GRIK3: variants seen among roughly 807,000 people sequenced by gnomAD.
GRIK3 encodes the protein glutamate receptor ionotropic, kainate 3.
A neutral mutation model predicts 102.5 loss-of-function variants in GRIK3; 29 were observed. That is an observed-to-expected ratio of 0.28 (90% CI 0.21 to 0.39). GRIK3 has a LOEUF of 0.39. GRIK3 is among the 10% of genes least tolerant of loss of function. The pLI, the probability that GRIK3 is intolerant of heterozygous loss-of-function variation, is 1.00. For missense variants in GRIK3, 908 were observed against 1,252.4 expected (o/e 0.73, Z 4.15); for synonymous variants, 511 against 504.9 (o/e 1.01, Z -0.16).
chr1:36,924,700 C>T (rs145449612), intron 1 of GRIK3, among the ~76,000 whole-genome samples: 4 of 152,182 alleles, frequency 2.6e-5, no homozygotes, highest in Non-Finnish European at 4.4e-5. Context: ...AGAGGCCGTG[C>T]TCAAGCTGTC....
chr1:36,813,405 C>T (rs925713092), intron 13 of GRIK3, among the ~76,000 whole-genome samples: 6 of 152,200 alleles, frequency 3.9e-5, no homozygotes, highest in Non-Finnish European at 8.8e-5. Context: ...CCTGGAGCTG[C>T]CTCCTGTTCA....
chr1:36,884,325 G>A (rs1209523837), intron 2 of GRIK3, among the ~76,000 whole-genome samples: 1 of 152,206 alleles, frequency 6.6e-6, no homozygotes. Flanking sequence ...GGGTTTGCTG[G>A]TGAATTGTCA....
chr1:36,842,074 G>A (rs533055281), intron 9 of GRIK3, 135 bp from the exon 10 acceptor site: 207 of 719,954 alleles, frequency 2.9e-4, no homozygotes, highest in Non-Finnish European at 3.6e-4. Flanking sequence ...CAAAGGGCCC[G>A]TGAAGTCAGG....
chr1:36,922,661 T>A (rs1641486930), intron 1 of GRIK3, among the ~76,000 whole-genome samples: 1 of 152,194 alleles, frequency 6.6e-6, no homozygotes, highest in African/African-American at 2.4e-5. Context: ...ATGTTGAGTA[T>A]CCACTCTATG....
At chr1:36,962,138 A>T (rs1642017308) in intron 1 of GRIK3, among the ~76,000 whole-genome samples, 2 of 152,188 alleles carry the variant, frequency 1.3e-5, no homozygotes, top group South Asian at 4.1e-4. Context: ...AGACAATTCC[A>T]GACATCACGA....
intron 1 of GRIK3, among the ~76,000 whole-genome samples, chr1:36,917,526 T>C (rs1327275013): frequency 1.3e-5 from 2 of 152,186 alleles, no homozygotes; most frequent in Non-Finnish European, 2.9e-5. Flanking sequence ...TGAGAGGTAA[T>C]TGAATCATGG....
chr1:36,948,748 G>A (rs568678100), intron 1 of GRIK3, among the ~76,000 whole-genome samples: 15 of 152,324 alleles, frequency 9.8e-5, no homozygotes, highest in Non-Finnish European at 1.8e-4. Context: ...CCAACAGCTT[G>A]TCAATGCCTG....
intron 10 of GRIK3, among the ~76,000 whole-genome samples, chr1:36,836,307 G>A (rs1640377697): frequency 6.6e-6 from 1 of 152,238 alleles, no homozygotes; most frequent in Admixed American, 6.5e-5. Flanking sequence ...ACCATGGCTG[G>A]GAAGCCAGCT....
chr1:36,904,940 A>C (rs1641269442), intron 1 of GRIK3, among the ~76,000 whole-genome samples: 1 of 152,228 alleles, frequency 6.6e-6, no homozygotes, highest in Admixed American at 6.5e-5. Flanking sequence ...TGTTGCAATC[A>C]GAAAAGAGAC....
At chr1:37,029,904 C>A (rs952407478) in intron 1 of GRIK3, among the ~76,000 whole-genome samples, 2 of 152,232 alleles carry the variant, frequency 1.3e-5, no homozygotes, top group African/African-American at 4.8e-5. Context: ...ATCCTGCCGG[C>A]TACAGGAGGA....
intron 1 of GRIK3, among the ~76,000 whole-genome samples, chr1:36,924,292 G>C (rs1181589555): frequency 6.6e-6 from 1 of 152,212 alleles, no homozygotes; most frequent in African/African-American, 2.4e-5. Context: ...GGAGTGGCTG[G>C]AGTCCCACAA....
At chr1:36,913,812 C>A (rs537495973) in intron 1 of GRIK3, among the ~76,000 whole-genome samples, 1 of 152,178 alleles carries the variant, frequency 6.6e-6, no homozygotes, top group Non-Finnish European at 1.5e-5. Flanking sequence ...CGTCCACCAT[C>A]GGCCAGAATC....
At chr1:36,986,065 C>G (rs1305849772) in intron 1 of GRIK3, among the ~76,000 whole-genome samples, 1 of 152,086 alleles carries the variant, frequency 6.6e-6, no homozygotes, top group East Asian at 1.9e-4. Flanking sequence ...TCACCCAGCC[C>G]AAGAAGAAGG....
At chr1:37,011,413 A>G (rs1642595100) in intron 1 of GRIK3, among the ~76,000 whole-genome samples, 1 of 152,242 alleles carries the variant, frequency 6.6e-6, no homozygotes, top group Non-Finnish European at 1.5e-5. Flanking sequence ...GAGCCAGCAC[A>G]CAGTGCTTCC....
Position 36,812,254 on chromosome 1 carries a change from G to C in GRIK3, c.2091+4806C>G, listed in dbSNP as rs78294112. Among the ~76,000 whole-genome samples, 613 of 152,196 alleles carry C rather than the reference G, an allele frequency of 4.0e-3. 25 individuals are homozygous for C. The East Asian group carries it at 0.078, about 19-fold the overall frequency. ...GATGCTAGGAACCGAGGCTGTGCAA[G>C]GGGGATGGCCTGACAATGACCAGGG... On this transcript the variant is annotated intron_variant, in intron 13 of 15. Coordinates refer to ENST00000373091, the MANE Select transcript of GRIK3 (RefSeq NM_000831.4).
chr1:37,030,027 C>T (rs946950586), intron 1 of GRIK3, among the ~76,000 whole-genome samples: 3 of 152,146 alleles, frequency 2.0e-5, no homozygotes, highest in East Asian at 1.9e-4. Context: ...TAGCGAAGTG[C>T]GAGGCAGGCA....
chr1:36,965,037 C>T (rs1259004016), intron 1 of GRIK3, among the ~76,000 whole-genome samples: 1 of 152,150 alleles, frequency 6.6e-6, no homozygotes, highest in African/African-American at 2.4e-5. Flanking sequence ...CAGCTAAATC[C>T]AAGGGGCCCA....
At chr1:36,835,181 A>C (rs946864259) in intron 10 of GRIK3, among the ~76,000 whole-genome samples, 3 of 152,148 alleles carry the variant, frequency 2.0e-5, no homozygotes, top group African/African-American at 7.2e-5. Context: ...GACCCCTCTC[A>C]GGCAGCCTTT....
At chr1:36,903,269 A>G (rs1241266622) in intron 1 of GRIK3, among the ~76,000 whole-genome samples, 1 of 152,226 alleles carries the variant, frequency 6.6e-6, no homozygotes, top group Non-Finnish European at 1.5e-5. Context: ...CAACAACAAG[A>G]TACCACTACA....
Sources: allele counts gnomAD v4.1 joint callset (sites outside exome capture counted in the v4.1 genomes callset), GRCh38; gene constraint gnomAD v4.1.1; transcripts MANE v1.5; gene names NCBI Gene and HGNC (gene_info 2026-07-23, HGNC 2026-07-21).